LEPROT: variants seen among roughly 807,000 people sequenced by gnomAD.
LEPROT encodes the protein leptin receptor gene-related protein.
Under a neutral mutation model 15.4 loss-of-function variants are expected in LEPROT, and 3 were observed. The ratio of observed to expected loss-of-function variants is 0.19; its 90% CI spans 0.09 to 0.50. The LOEUF is 0.50. Ranked by LOEUF, LEPROT falls within the 20% of genes least tolerant of loss-of-function variation. LEPROT has a pLI of 0.97. For missense variants in LEPROT, 137 were observed against 162.2 expected (o/e 0.84, Z 0.84); for synonymous variants, 59 against 57.5 (o/e 1.03, Z -0.12).
intron 1 of LEPROT, among the ~76,000 whole-genome samples, chr1:65,422,087 C>T (rs956265994): frequency 4.6e-5 from 7 of 152,156 alleles, no homozygotes; most frequent in African/African-American, 1.7e-4. Flanking sequence ...GGATTTTGTC[C>T]TCCAAAAAGA....
rs1170063102 is a variant in LEPROT at position 65,420,691 on chromosome 1, A to G, written c.-34A>G. On this transcript the variant is annotated 5_prime_UTR_variant, in exon 1 of 4. Transcript: ENST00000371065. ...GCAGGCTGCCCGGGCCGTGGCAGGA[A>G]GCCGGAAGCAGCCGCGGCCCCAGTT... is the stretch of plus-strand genomic sequence containing the variant. 8.3e-6 allele frequency: 13 copies of G among 1,572,288 alleles called. No individual in the cohort carries two copies. Among genetic ancestry groups the G allele is most frequent in the Middle Eastern group, 1.9e-4 (1 of 5,266 alleles).
At chr1:65,423,145 G>A (rs1178730528) in intron 1 of LEPROT, among the ~76,000 whole-genome samples, 4 of 152,162 alleles carry the variant, frequency 2.6e-5, no homozygotes, top group Admixed American at 6.5e-5. Context: ...GGTTCTTGTT[G>A]GCGGTCAAGG....
intron 1 of LEPROT, among the ~76,000 whole-genome samples, chr1:65,424,115 A>G (rs190643100): frequency 2.2e-4 from 34 of 152,286 alleles, no homozygotes; most frequent in African/African-American, 7.5e-4. Flanking sequence ...AGAGCTCAAG[A>G]TTTTGTAACA....
At position 65,430,052 on chromosome 1, in the gene LEPROT, A is replaced by G. The variant is rs775518552; in HGVS notation, c.279+4A>G. The G allele has an allele frequency of 6.4e-7, 1 of 1,552,268 alleles. No homozygotes were observed. The highest frequency in any genetic ancestry group is 2.3e-5 in the East Asian group (1 of 43,364). On this transcript the variant is annotated splice_donor_region_variant and intron_variant, in intron 3 of 3. Transcript: ENST00000371065. ...TATTCTTGCTCGTGTGGCTGTGGTA[A>G]GTTTTATTTTCTATTGTTTTGCCCA...
intron 2 of LEPROT, among the ~76,000 whole-genome samples, chr1:65,426,046 A>G (rs936883932): frequency 2.6e-5 from 4 of 151,902 alleles, no homozygotes; most frequent in African/African-American, 9.7e-5. Flanking sequence ...AAAAGTATGC[A>G]TACTGTCAGA....
Position 65,434,004 on chromosome 1 carries a change from T to C in LEPROT, c.*2085T>C. ...TTCTTTCTAAGATGGCAATAATGAT[T>C]CATTTCTACTACATTTTGCAAAAGT... On this transcript the variant is annotated 3_prime_UTR_variant, in exon 4 of 4. Transcript: ENST00000371065. The C allele has an allele frequency of 1.0e-6, 1 of 985,340 alleles. No homozygotes were observed. Among genetic ancestry groups the C allele is most frequent in the Non-Finnish European group, 1.2e-6 (1 of 829,836 alleles). 61.0% of individuals were successfully genotyped at this position (985,340 alleles called of 1,614,324 possible).
chr1:65,428,617 G>A (rs1646425201), intron 2 of LEPROT, among the ~76,000 whole-genome samples: 1 of 152,126 alleles, frequency 6.6e-6, no homozygotes. Flanking sequence ...GCTTTCATTA[G>A]TGTGGCTTCA....
intron 2 of LEPROT, 30 bp downstream of exon 2, chr1:65,425,408 C>T: frequency 6.4e-7 from 1 of 1,560,056 alleles, no homozygotes; most frequent in Non-Finnish European, 8.7e-7. Flanking sequence ...AGAACTATTC[C>T]TCTTTCTGTG....
Position 65,434,061 on chromosome 1 carries a change from C to A in LEPROT, c.*2142C>A. On this transcript the variant is annotated 3_prime_UTR_variant, in exon 4 of 4. Transcript: ENST00000371065. ...GTTGCTTATACACATTTTCAATAAC[C>A]AAGGTAGCCTTCATATGTAGCCTTA... is the stretch of plus-strand genomic sequence containing the variant. 4.1e-6 allele frequency: 4 copies of A among 985,210 alleles called. No individual in the cohort carries two copies. In the South Asian group the frequency reaches 1.4e-4, roughly 35 times the overall value. The allele number at this position is 985,210 out of a possible 1,614,324, so 61.0% of individuals were successfully genotyped here.
intron 1 of LEPROT, among the ~76,000 whole-genome samples, chr1:65,423,511 C>G (rs1646295539): frequency 6.6e-6 from 1 of 152,048 alleles, no homozygotes; most frequent in Non-Finnish European, 1.5e-5. Context: ...GATGGTCAGG[C>G]ACAGAGGAGA....
rs556285881 is a variant in LEPROT, at chr1:65,423,289, C to A, written c.17-2014C>A. On this transcript the variant is annotated intron_variant, in intron 1 of 3. Coordinates refer to ENST00000371065, the MANE Select transcript of LEPROT (RefSeq NM_017526.5). ...TGAACATAAGTTTTCAGCAGGAGTG[C>A]GTGGAGTGAAAAGAGAGATGGGGTT... 3.3e-5 allele frequency among the ~76,000 whole-genome samples: 5 copies of A among 151,792 alleles called. No individual in the cohort carries two copies. The South Asian group carries it at 1.0e-3, about 32-fold the overall frequency.
intron 1 of LEPROT, among the ~76,000 whole-genome samples, chr1:65,425,042 T>C (rs1346256247): frequency 6.6e-6 from 1 of 152,246 alleles, no homozygotes; most frequent in Non-Finnish European, 1.5e-5. Flanking sequence ...CCTTTTTTTC[T>C]TTCTTTTTTA....
chr1:65,428,137 C>CAT (rs1190955057), intron 2 of LEPROT: 1 of 152,192 alleles, frequency 6.6e-6, no homozygotes, highest in Non-Finnish European at 1.5e-5. Context: ...CTCTTTGGCC[C>CAT]TTTATAGAAA....
At chr1:65,426,859 G>A (rs774711261) in intron 2 of LEPROT, among the ~76,000 whole-genome samples, 18 of 152,152 alleles carry the variant, frequency 1.2e-4, no homozygotes, top group East Asian at 1.9e-4. Context: ...TTAGCTGGGC[G>A]TGGTGGCACA....
chr1:65,433,836 G>T lies in LEPROT; in HGVS notation c.*1917G>T. On this transcript the variant is annotated 3_prime_UTR_variant, in exon 4 of 4. Coordinates refer to ENST00000371065, the MANE Select transcript of LEPROT (RefSeq NM_017526.5). ...AACTTTAAAATTTTTTTGTGATGTT[G>T]CCTTGCCTGAAAAGATAACAAAAAT... 1.0e-6 allele frequency: 1 copy of T among 984,510 alleles called. No individual in the cohort carries two copies. Among genetic ancestry groups the T allele is most frequent in the Non-Finnish European group, 1.2e-6 (1 of 829,354 alleles). 61.0% of individuals were successfully genotyped at this position (984,510 alleles called of 1,614,324 possible). A position where few individuals can be genotyped will look rare whatever the true frequency, so the allele number is the denominator to read the frequency against.
Position 65,433,852 on chromosome 1 carries a change from T to G in LEPROT, c.*1933T>G, listed in dbSNP as rs1646521843. The G allele has an allele frequency of 2.0e-6, 2 of 985,314 alleles. No individual in the cohort carries two copies. The highest frequency in any genetic ancestry group is 2.4e-6 in the Non-Finnish European group (2 of 829,814). 61.0% of individuals were successfully genotyped at this position (985,314 alleles called of 1,614,324 possible). A position where few individuals can be genotyped will look rare whatever the true frequency, so the allele number is the denominator to read the frequency against. On this transcript the variant is annotated 3_prime_UTR_variant, in exon 4 of 4. Coordinates refer to ENST00000371065, the MANE Select transcript of LEPROT (RefSeq NM_017526.5). ...TGTGATGTTGCCTTGCCTGAAAAGA[T>G]AACAAAAATGAGAGAATTTCTTGAT... is the stretch of plus-strand genomic sequence containing the variant.
At position 65,431,909 on chromosome 1, in the gene LEPROT, A is replaced by C; in HGVS notation, c.386A>C (p.Glu129Ala). 6.2e-7 allele frequency: 1 copy of C among 1,613,954 alleles called. No individual in the cohort carries two copies. Among genetic ancestry groups the C allele is most frequent in the Non-Finnish European group, 8.5e-7 (1 of 1,179,950 alleles). ...GGAAGAGGAGATGATTTTAGCTGGG[A>C]GCAGTGGTAGCACTTTATTCTGATT... is the stretch of plus-strand genomic sequence containing the variant. ...IFGRGDDFSW[E>A]QW is the part of the protein sequence containing the mutation. The change falls in exon 4 of 4, where the codon GAG becomes GCG. Residue 129 changes from glutamate to alanine, a missense_variant. Physicochemically the swap from Glu to Ala is moderately radical, Grantham distance 107. Coordinates refer to ENST00000371065, the MANE Select transcript of LEPROT (RefSeq NM_017526.5).
intron 2 of LEPROT, among the ~76,000 whole-genome samples, chr1:65,429,151 C>T (rs1368941314): frequency 1.3e-5 from 2 of 152,048 alleles, no homozygotes; most frequent in Non-Finnish European, 2.9e-5. Context: ...ACCTGGGGTA[C>T]ATTAGAATAG....
chr1:65,422,989 T>G (rs1380918794), intron 1 of LEPROT, among the ~76,000 whole-genome samples: 1 of 152,082 alleles, frequency 6.6e-6, no homozygotes, highest in Non-Finnish European at 1.5e-5. Context: ...AGCAGAGAGT[T>G]TAAGAAGTCT....
Sources: allele counts gnomAD v4.1 joint callset (sites outside exome capture counted in the v4.1 genomes callset), GRCh38; gene constraint gnomAD v4.1.1; transcripts MANE v1.5; gene names NCBI Gene and HGNC (gene_info 2026-07-23, HGNC 2026-07-21).